The following ZDHHC1 variants were observed in gnomAD, a reference collection of about 807,000 sequenced individuals.
ZDHHC1 encodes zDHHC palmitoyltransferase 1.
Under a neutral mutation model 46.9 loss-of-function variants are expected in ZDHHC1, and 45 were observed. The ratio of observed to expected loss-of-function variants is 0.96; its 90% CI spans 0.76 to 1.23. ZDHHC1 has a LOEUF of 1.23. Ranked by LOEUF, ZDHHC1 falls within the 50% of genes most tolerant of loss-of-function variation. ZDHHC1 has a pLI of 0.00. For synonymous variants in ZDHHC1, 291 were observed against 286.0 expected, an observed-to-expected ratio of 1.02 and a Z score of -0.18; for missense variants, 649 against 670.8, an observed-to-expected ratio of 0.97 and a Z score of 0.36.
Position 67,394,742 on chromosome 16 carries a change from G to T in ZDHHC1, c.1317C>A (p.Ala439=). Residue 439 remains alanine (A), a synonymous_variant, in exon 12 of 12, where the codon GCC becomes GCA. Transcript: ENST00000565726. ...CCCGGCCCCGCGGGGCGGCCAGAGCGGCGCTGCCCAGGCGCGTCTGCGCCA... is the reference window on the plus strand; with the variant it reads ...CCCGGCCCCGCGGGGCGGCCAGAGCTGCGCTGCCCAGGCGCGTCTGCGCCA... ...IPVAQTRLGS[A]ALAAPRGRGR... The T allele has an allele frequency of 2.1e-6, 3 of 1,445,700 alleles. No individual in the cohort carries two copies. The highest frequency in any genetic ancestry group is 2.7e-5 in the South Asian group (2 of 73,408). The allele number at this position is 1,445,700 out of a possible 1,614,324, so 89.6% of individuals were successfully genotyped here.
chr16:67,406,284 C>G lies in ZDHHC1; in HGVS notation c.168G>C (p.Trp56Cys). Reference sequence around the variant, plus strand: ...TCACAGCAAAGAAGAGGTACAGCAGCCAGGCCACAATCTGGAGCGGGTGAG... The same window carrying G: ...TCACAGCAAAGAAGAGGTACAGCAGGCAGGCCACAATCTGGAGCGGGTGAG... ...WPPHPLQIVAWLLYLFFAVIG... is the reference protein window; with the variant it reads ...WPPHPLQIVACLLYLFFAVIG... Residue 56 changes from tryptophan (W) to cysteine (C), a missense_variant, in exon 3 of 12, where the codon TGG (tryptophan) becomes TGC (cysteine). Transcript: ENST00000565726. This position sits in a 1 kb window ranked among gnomAD's most constrained non-coding sequence, Gnocchi z 4.1. 1 of 1,610,218 alleles carries G rather than the reference C, an allele frequency of 6.2e-7. No homozygotes were observed. Among genetic ancestry groups the G allele is most frequent in the Admixed American group, 1.7e-5 (1 of 59,476 alleles).
Position 67,406,263 on chromosome 16 carries a change from A to G in ZDHHC1, c.189T>C (p.Ala63=). 1 of 1,612,480 alleles carries G rather than the reference A, an allele frequency of 6.2e-7. No homozygotes were observed. The highest frequency in any genetic ancestry group is 8.5e-7 in the Non-Finnish European group (1 of 1,179,478). The change falls in exon 3 of 12, where the codon GCT becomes GCC. Residue 63 remains alanine (A), a synonymous_variant. Coordinates refer to ENST00000565726, the MANE Select transcript of ZDHHC1 (RefSeq NM_001323627.2). This position sits in a 1 kb window ranked among gnomAD's most constrained non-coding sequence, Gnocchi z 4.1. The part of the protein sequence containing the change: ...IVAWLLYLFF[A]VIGFGILVPL... ...GAACAAGGATCCCAAAGCCGATCACAGCAAAGAAGAGGTACAGCAGCCAGG... is the reference window on the plus strand; with the variant it reads ...GAACAAGGATCCCAAAGCCGATCACGGCAAAGAAGAGGTACAGCAGCCAGG...
At position 67,406,386 on chromosome 16, in the gene ZDHHC1, C is replaced by T. The variant is rs8058306; in HGVS notation, c.66G>A (p.Thr22=). The part of the protein sequence containing the change: ...NKTAPEKSVW[T]APAQPSGPSP... ...AGGGTCCGCTGGGCTGTGCCGGTGC[C>T]GTCCACACACTCTTCTCAGGGGCCG... Residue 22 remains threonine (T), a synonymous_variant, in exon 3 of 12, where the codon ACG becomes ACA. Coordinates refer to ENST00000565726, the MANE Select transcript of ZDHHC1 (RefSeq NM_001323627.2). The surrounding 1 kb of genome is among the most constrained non-coding windows in gnomAD (Gnocchi z 4.1). 21,855 of 1,577,248 alleles carry T rather than the reference C, an allele frequency of 0.014. 1,419 individuals carry two copies. The African/African-American group carries it at 0.17, about 12-fold the overall frequency.
At chr16:67,409,278 CCT>C (rs969798089) in intron 1 of ZDHHC1, among the ~76,000 whole-genome samples, 13 of 150,982 alleles carry the variant, frequency 8.6e-5, no homozygotes, top group African/African-American at 2.7e-4. Flanking sequence ...CAGGATACCC[CCT>C]GATACTCCAA....
chr16:67,403,866 G>C (rs188837012), intron 3 of ZDHHC1, among the ~76,000 whole-genome samples: 185 of 152,206 alleles, frequency 1.2e-3, no homozygotes, highest in Non-Finnish European at 1.9e-3. Flanking sequence ...CATCCGCGTC[G>C]GTCTCCCAAT....
chr16:67,398,473 C>A, intron 7 of ZDHHC1, 100 bp downstream of exon 7: 2 of 1,527,078 alleles, frequency 1.3e-6, no homozygotes, highest in Non-Finnish European at 1.8e-6. Flanking sequence ...TGAGCCCATA[C>A]TAGGCAGGGG....
chr16:67,400,921 C>A, intron 4 of ZDHHC1, 36 bp downstream of exon 4: 1 of 1,603,698 alleles, frequency 6.2e-7, no homozygotes. Context: ...CACCCCACAG[C>A]ACACTCGGCA....
In ZDHHC1 at chr16:67,398,850, T is replaced by G; in HGVS notation, c.625A>C (p.Met209Leu). Residue 209 changes from methionine (M) to leucine (L), a missense_variant, in exon 6 of 12, where the codon ATG becomes CTG. Transcript: ENST00000565726. Reference protein sequence around the residue: ...YVFVEFFVNPMRLRTNRHFEV... With the variant: ...YVFVEFFVNPLRLRTNRHFEV... Reference sequence around the variant, plus strand: ...AAGTGTCGGTTGGTGCGCAGACGCATGGGGTTGACAAAGAACTCCACGAAG... The same window carrying G: ...AAGTGTCGGTTGGTGCGCAGACGCAGGGGGTTGACAAAGAACTCCACGAAG... 1 of 1,613,002 alleles carries G rather than the reference T, an allele frequency of 6.2e-7. No individual in the cohort carries two copies.
At chr16:67,399,493 C>A in intron 4 of ZDHHC1, 37 bp from the exon 5 acceptor site, 1 of 1,562,252 alleles carries the variant, frequency 6.4e-7, no homozygotes, top group African/African-American at 1.4e-5. Context: ...TTGGCCGGCT[C>A]ATTCCCCGCT....
At chr16:67,402,430 C>T (rs538639205) in intron 3 of ZDHHC1, among the ~76,000 whole-genome samples, 8 of 152,306 alleles carry the variant, frequency 5.3e-5, no homozygotes, top group African/African-American at 1.9e-4. Context: ...CTACTGTGCT[C>T]ACCATGCCAT....
Position 67,398,913 on chromosome 16 carries a change from G to C in ZDHHC1, c.562C>G (p.Leu188Val). 1 of 1,613,432 alleles carries C rather than the reference G, an allele frequency of 6.2e-7. No homozygotes were observed. ...LFLHSVASALLGVLLLVLVAT... is the reference protein window; with the variant it reads ...LFLHSVASALVGVLLLVLVAT... ...ACCAGCACCAGGAGCAGGACGCCCAGTAAAGCGGATGCAACACTGTGTAGA... is the reference window on the plus strand; with the variant it reads ...ACCAGCACCAGGAGCAGGACGCCCACTAAAGCGGATGCAACACTGTGTAGA... The change falls in exon 6 of 12, where the codon CTG becomes GTG. Residue 188 changes from leucine to valine, a missense_variant. Coordinates refer to ENST00000565726, the MANE Select transcript of ZDHHC1 (RefSeq NM_001323627.2).
intron 11 of ZDHHC1, 35 bp from the exon 12 acceptor site, chr16:67,394,928 G>T: frequency 6.4e-7 from 1 of 1,557,790 alleles, no homozygotes; most frequent in Non-Finnish European, 8.7e-7. Context: ...CCCAGTGGCT[G>T]CGGCTCGCTT....
intron 1 of ZDHHC1, among the ~76,000 whole-genome samples, chr16:67,410,877 G>C (rs1242302680): frequency 1.3e-5 from 2 of 151,904 alleles, no homozygotes; most frequent in African/African-American, 2.4e-5. Flanking sequence ...TGTTGGCCAG[G>C]ATGGTCTCAA....
rs1462764087 is a variant in ZDHHC1 at position 67,406,971 on chromosome 16, G to A, written c.10-529C>T. 1.3e-5 allele frequency among the ~76,000 whole-genome samples: 2 copies of A among 152,318 alleles called. No homozygotes were observed. The highest frequency in any genetic ancestry group is 2.4e-5 in the African/African-American group (1 of 41,568). ...GTGGACAGAAAATCCCTTTAGGACTGGGGGAGTCTGAAGCTCTGCCCCATG... is the reference window on the plus strand; with the variant it reads ...GTGGACAGAAAATCCCTTTAGGACTAGGGGAGTCTGAAGCTCTGCCCCATG... On this transcript the variant is annotated intron_variant, in intron 2 of 11. Coordinates refer to ENST00000565726, the MANE Select transcript of ZDHHC1 (RefSeq NM_001323627.2). The surrounding 1 kb of genome is among the most constrained non-coding windows in gnomAD (Gnocchi z 4.1).
Position 67,398,841 on chromosome 16 carries a change from G to A in ZDHHC1, c.634C>T (p.Arg212Cys), listed in dbSNP as rs780196047. The change falls in exon 6 of 12, where the codon CGC (arginine) becomes TGC (cysteine). Residue 212 changes from arginine to cysteine, a missense_variant. Arg to Cys is a radical substitution (Grantham distance 180). Coordinates refer to ENST00000565726, the MANE Select transcript of ZDHHC1 (RefSeq NM_001323627.2). ...TGACCTTCAAAGTGTCGGTTGGTGC[G>A]CAGACGCATGGGGTTGACAAAGAAC... ...VEFFVNPMRL[R>C]TNRHFEVLKN... 11 of 1,612,434 alleles carry A rather than the reference G, an allele frequency of 6.8e-6. No homozygotes were observed. The highest frequency in any genetic ancestry group is 1.6e-4 in the Middle Eastern group (1 of 6,082).
intron 7 of ZDHHC1, 92 bp downstream of exon 7, chr16:67,398,481 G>A: frequency 6.5e-7 from 1 of 1,531,748 alleles, no homozygotes; most frequent in Non-Finnish European, 8.8e-7. Context: ...TACTAGGCAG[G>A]GGCATGGTTT....
At chr16:67,400,785 C>A (rs1423116526) in intron 4 of ZDHHC1, among the ~76,000 whole-genome samples, 172 bp downstream of exon 4, 1 of 152,198 alleles carries the variant, frequency 6.6e-6, no homozygotes, top group Non-Finnish European at 1.5e-5. Context: ...TTTCCAATCA[C>A]CTTCTCCTCA....
rs957517183 is a variant in ZDHHC1, at chr16:67,394,872, C to G, written c.1187G>C (p.Arg396Pro). 3.2e-6 allele frequency: 5 copies of G among 1,567,634 alleles called. No individual in the cohort carries two copies. Among genetic ancestry groups the G allele is most frequent in the African/African-American group, 2.7e-5 (2 of 73,718 alleles). The change falls in exon 12 of 12, where the codon CGC (arginine) becomes CCC (proline). Residue 396 changes from arginine (R) to proline (P), a missense_variant. By Grantham distance (103) the Arg-to-Pro change is moderately radical (BLOSUM62 -2). Transcript: ENST00000565726. ...PASGPRAPSR[R>P]SSSSTDSADA... ...CGCGGAATCCGTCGACGAGCTGGAGCGGCGGCTGGGGGCCCTAGGCCCTGC... is the reference window on the plus strand; with the variant it reads ...CGCGGAATCCGTCGACGAGCTGGAGGGGCGGCTGGGGGCCCTAGGCCCTGC...
At chr16:67,407,139 G>A (rs957612748) in intron 2 of ZDHHC1, among the ~76,000 whole-genome samples, 1 of 152,174 alleles carries the variant, frequency 6.6e-6, no homozygotes, top group Non-Finnish European at 1.5e-5. Context: ...AGAAAGGTGG[G>A]CTAACGCCCT....
Sources: gnomAD v4.1 joint callset for allele counts (sites outside exome capture counted in the v4.1 genomes callset) on GRCh38, gnomAD v4.1.1 for gene constraint, Gnocchi (gnomAD v3.1) non-coding constraint, MANE v1.5 for transcripts, NCBI Gene and HGNC (gene_info 2026-07-23, HGNC 2026-07-21) for gene names.